AMPH: variants seen among roughly 807,000 people sequenced by gnomAD.
AMPH encodes amphiphysin (Stiff-Mann syndrome with breast cancer 128kD autoantigen).
Under a neutral mutation model 99.1 loss-of-function variants are expected in AMPH, and 49 were observed. That is an observed-to-expected ratio of 0.49 (90% confidence interval 0.39 to 0.63). AMPH has a LOEUF of 0.63. AMPH is among the 20% of genes least tolerant of loss of function. The pLI, the probability that AMPH is intolerant of heterozygous loss-of-function variation, is 0.00. For missense variants in AMPH, 759 were observed against 863.4 expected (o/e 0.88, Z 1.52); for synonymous variants, 314 against 317.3 (o/e 0.99, Z 0.11).
At chr7:38,487,566 A>T (rs1484559954) in intron 5 of AMPH, among the ~76,000 whole-genome samples, 1 of 152,216 alleles carries the variant, frequency 6.6e-6, no homozygotes, top group Admixed American at 6.5e-5. Flanking sequence ...AAACTATAAA[A>T]ACCCTAGAAG....
chr7:38,583,099 C>T (rs6965295), intron 1 of AMPH, among the ~76,000 whole-genome samples: 125,985 of 152,206 alleles, frequency 0.83, 52,466 homozygotes, highest in African/African-American at 0.88. Context: ...CACCATCCCG[C>T]TTATTCATTT....
Position 38,476,710 on chromosome 7 carries a change from T to A in AMPH, c.504+152A>T, listed in dbSNP as rs776184793. ...TACAATATAATGAAAAGCCTTATTT[T>A]AATTAAAAATAATAAAAAGCACTAT... On this transcript the variant is annotated intron_variant, in intron 6 of 20. Coordinates refer to ENST00000356264, the MANE Select transcript of AMPH (RefSeq NM_001635.4). The A allele has an allele frequency of 8.6e-6, 5 of 578,112 alleles. No individual in the cohort carries two copies. The Admixed American group carries it at 8.9e-5, about 10-fold the overall frequency. 35.8% of individuals were successfully genotyped at this position (578,112 alleles called of 1,614,324 possible). A position where few individuals can be genotyped will look rare whatever the true frequency, so the allele number is the denominator to read the frequency against.
chr7:38,468,927 G>A (rs1787770901), intron 7 of AMPH, among the ~76,000 whole-genome samples: 1 of 66,758 alleles, frequency 1.5e-5, no homozygotes. Flanking sequence ...GGCCGAGGCG[G>A]GTGGATCACG....
intron 11 of AMPH, among the ~76,000 whole-genome samples, chr7:38,443,039 C>T (rs1015053221): frequency 5.3e-5 from 8 of 151,946 alleles, no homozygotes; most frequent in African/African-American, 1.4e-4. Flanking sequence ...GAGAGGGAAA[C>T]ATCATCATAG....
At position 38,617,831 on chromosome 7, in the gene AMPH, G is replaced by T. The variant is rs1173413785; in HGVS notation, c.69+13452C>A. ...GAGGTATCATAAGTAATACTTAGTA[G>T]CTCCTAACTATGGAATGGAAAAAAA... On this transcript the variant is annotated intron_variant, in intron 1 of 20. Transcript: ENST00000356264. Among the ~76,000 whole-genome samples the T allele has an allele frequency of 2.3e-5, 3 of 131,566 alleles. No individual in the cohort carries two copies. The Admixed American group carries it at 2.5e-4, about 11-fold the overall frequency. 86.3% of individuals were successfully genotyped at this position (131,566 alleles called of 152,430 possible).
chr7:38,502,393 T>A (rs1440967810), intron 3 of AMPH, among the ~76,000 whole-genome samples: 1 of 152,146 alleles, frequency 6.6e-6, no homozygotes, highest in Non-Finnish European at 1.5e-5. Context: ...GTATGGTAGA[T>A]GCACCTGAAT....
chr7:38,479,584 T>C lies in AMPH; in HGVS notation c.397-2615A>G, dbSNP rs1475041138. On this transcript the variant is annotated intron_variant, in intron 5 of 20. Coordinates refer to ENST00000356264, the MANE Select transcript of AMPH (RefSeq NM_001635.4). The stretch of plus-strand genomic sequence containing the variant: ...AATGTATTGTGGGGTTTATAACATG[T>C]AAAAGAAAAATGTATGACAATAACA... Among the ~76,000 whole-genome samples, 4 of 151,992 alleles carry C rather than the reference T, an allele frequency of 2.6e-5. No homozygotes were observed. The East Asian group carries it at 7.7e-4, about 29-fold the overall frequency.
At chr7:38,392,367 C>CGGCCT (rs1360308450) in intron 18 of AMPH, among the ~76,000 whole-genome samples, 1 of 136,302 alleles carries the variant, frequency 7.3e-6, no homozygotes, top group Non-Finnish European at 1.6e-5. Context: ...CAATGCAGGC[C>CGGCCT]GGCCTGGTTC....
At chr7:38,411,796 G>C (rs904636272) in intron 17 of AMPH, among the ~76,000 whole-genome samples, 1 of 152,080 alleles carries the variant, frequency 6.6e-6, no homozygotes, top group African/African-American at 2.4e-5. Flanking sequence ...TCTTACATAG[G>C]CTACCCAATT....
At chr7:38,467,457 A>G (rs1292465796) in intron 7 of AMPH, among the ~76,000 whole-genome samples, 1 of 152,200 alleles carries the variant, frequency 6.6e-6, no homozygotes, top group Non-Finnish European at 1.5e-5. Flanking sequence ...CCAAGGCCCC[A>G]ATCAACTGGG....
At chr7:38,604,277 T>C (rs944003346) in intron 1 of AMPH, among the ~76,000 whole-genome samples, 2 of 152,188 alleles carry the variant, frequency 1.3e-5, no homozygotes, top group Non-Finnish European at 2.9e-5. Flanking sequence ...CGAATAATCA[T>C]ACATTGTGCA....
intron 1 of AMPH, among the ~76,000 whole-genome samples, chr7:38,567,024 C>T (rs191458567): frequency 5.3e-5 from 8 of 152,316 alleles, no homozygotes; most frequent in African/African-American, 1.9e-4. Context: ...TTTGACCCAG[C>T]AATCCCATTA....
At chr7:38,610,292 G>GA (rs1274439949) in intron 1 of AMPH, among the ~76,000 whole-genome samples, 32 of 10,868 alleles carry the variant, frequency 2.9e-3, no homozygotes, top group Middle Eastern at 0.026. Flanking sequence ...AAGAAAGAAA[G>GA]AAAGAAAAGA....
At chr7:38,397,838 A>C (rs985005157) in intron 17 of AMPH, among the ~76,000 whole-genome samples, 2 of 152,192 alleles carry the variant, frequency 1.3e-5, no homozygotes, top group African/African-American at 4.8e-5. Context: ...CAATTAAAAA[A>C]TGGGCAAAAG....
chr7:38,564,588 C>A (rs952426441), intron 1 of AMPH, among the ~76,000 whole-genome samples: 1 of 152,158 alleles, frequency 6.6e-6, no homozygotes, highest in African/African-American at 2.4e-5. Context: ...AGCACAAAAC[C>A]AGGAGACCCT....
At chr7:38,544,907 G>A (rs1790937331) in intron 1 of AMPH, among the ~76,000 whole-genome samples, 1 of 152,150 alleles carries the variant, frequency 6.6e-6, no homozygotes, top group Non-Finnish European at 1.5e-5. Context: ...TGATCCAATG[G>A]AAGAGATTCT....
At position 38,476,888 on chromosome 7, in the gene AMPH, T is replaced by G. The variant is rs1788104935; in HGVS notation, c.478A>C (p.Arg160=). 1.2e-6 allele frequency: 2 copies of G among 1,613,678 alleles called. No individual in the cohort carries two copies. Residue 160 remains arginine, a synonymous_variant, in exon 6 of 21, where the codon AGG becomes CGG. Transcript: ENST00000356264. The part of the protein sequence containing the change: ...HHLEALQSSK[R]KDESRISKAE... ...TTAGAGATTCGACTCTCATCCTTCCTCTTGGAGCTCTGCAGAGCTTCCAGA... is the reference window on the plus strand; with the variant it reads ...TTAGAGATTCGACTCTCATCCTTCCGCTTGGAGCTCTGCAGAGCTTCCAGA...
chr7:38,604,461 T>C (rs371170334), intron 1 of AMPH, among the ~76,000 whole-genome samples: 31 of 152,274 alleles, frequency 2.0e-4, no homozygotes, highest in African/African-American at 7.5e-4. Context: ...AAAGGAGATA[T>C]GCAAGAATGA....
chr7:38,384,968 G>A (rs919831800), intron 20 of AMPH, 43 bp from the exon 21 acceptor site: 1 of 1,538,582 alleles, frequency 6.5e-7, no homozygotes, highest in Non-Finnish European at 9.0e-7. Flanking sequence ...GCAAACTACT[G>A]GAAAATCCAC....
Sources: allele counts gnomAD v4.1 joint callset (sites outside exome capture counted in the v4.1 genomes callset), GRCh38; gene constraint gnomAD v4.1.1; transcripts MANE v1.5; gene names NCBI Gene and HGNC (gene_info 2026-07-23, HGNC 2026-07-21).